Variants in IL7 observed in about 807,000 individuals in gnomAD.
IL7 encodes interleukin 7, also known as interleukin-7.
A neutral mutation model predicts 21.6 loss-of-function variants in IL7; 3 were observed. That is an observed-to-expected ratio of 0.14 (90% CI 0.06 to 0.36). The LOEUF (loss-of-function observed/expected upper bound fraction) is 0.36. Ranked by LOEUF, IL7 falls within the 10% of genes least tolerant of loss-of-function variation. The probability of loss-of-function intolerance (pLI) is 1.00; values close to 1 mark genes in which losing one functional copy is unlikely to be tolerated. For missense variants in IL7, 175 were observed against 200.2 expected (o/e 0.87, Z 0.76); for synonymous variants, 62 against 68.1 (o/e 0.91, Z 0.44).
At chr8:78,793,404 G>A (rs1034333208) in intron 2 of IL7, among the ~76,000 whole-genome samples, 4 of 152,108 alleles carry the variant, frequency 2.6e-5, no homozygotes, top group African/African-American at 9.7e-5. Context: ...TCACAATACA[G>A]TGAGTCATAC....
chr8:78,769,840 T>C (rs1489655008), intron 2 of IL7, among the ~76,000 whole-genome samples: 4 of 152,172 alleles, frequency 2.6e-5, no homozygotes, highest in African/African-American at 7.2e-5. Context: ...AACAGAGATA[T>C]AGACCAATGG....
chr8:78,804,859 T>C (rs1269134873), intron 1 of IL7, 54 bp downstream of exon 1: 4 of 1,609,302 alleles, frequency 2.5e-6, no homozygotes, highest in Non-Finnish European at 3.4e-6. Context: ...GCGTCTGGGA[T>C]TGCCCCGGCG....
intron 2 of IL7, among the ~76,000 whole-genome samples, chr8:78,772,657 A>G (rs919506498): frequency 3.3e-5 from 5 of 152,202 alleles, no homozygotes; most frequent in Non-Finnish European, 7.4e-5. Context: ...AAAAAGAGTT[A>G]AGATCCTGTG....
At chr8:78,766,203 A>G (rs900480701) in intron 2 of IL7, among the ~76,000 whole-genome samples, 1 of 152,158 alleles carries the variant, frequency 6.6e-6, no homozygotes, top group African/African-American at 2.4e-5. Context: ...AGAGGCACAA[A>G]GAATGAACAG....
chr8:78,711,434 GT>G (rs946110244), intron 3 of IL7, among the ~76,000 whole-genome samples: 5 of 148,730 alleles, frequency 3.4e-5, no homozygotes, highest in South Asian at 2.1e-4. Context: ...TGTCATCCAT[GT>G]TTTTTTTTTC....
chr8:78,713,963 G>T (rs906441567), downstream of IL7, among the ~76,000 whole-genome samples: 25 of 152,116 alleles, frequency 1.6e-4, no homozygotes, highest in African/African-American at 5.8e-4. Context: ...GTTATTACCT[G>T]CATGTACTTT....
intron 2 of IL7, among the ~76,000 whole-genome samples, chr8:78,782,908 C>G (rs1030259494): frequency 2.6e-5 from 4 of 152,120 alleles, no homozygotes; most frequent in Non-Finnish European, 5.9e-5. Context: ...AGAGGGAGGC[C>G]ACATGCAGTG....
intron 2 of IL7, chr8:78,762,391 C>A: frequency 1.9e-6 from 3 of 1,612,024 alleles, no homozygotes. Flanking sequence ...GGACTGCGTG[C>A]TCTTCCGCGT....
chr8:78,716,492 C>T (rs114626964), downstream of IL7, among the ~76,000 whole-genome samples: 926 of 152,068 alleles, frequency 6.1e-3, 8 homozygotes, highest in African/African-American at 0.021. Context: ...TTATTTATTG[C>T]ATCACAATAA....
chr8:78,753,589 A>G lies in IL7; in HGVS notation c.148-13507T>C, dbSNP rs7832283. Among the ~76,000 whole-genome samples the G allele has an allele frequency of 9.0e-3, 1,374 of 152,172 alleles. 19 individuals are homozygous for G. The highest frequency in any genetic ancestry group is 0.032 in the African/African-American group (1,318 of 41,504). ...AAGCTCTTTAGTTTAAATAGATACC[A>G]TTTGTCAATTTGGGCCTTTGTTGCC... On this transcript the variant is annotated intron_variant, in intron 2 of 5. Transcript: ENST00000263851.
At chr8:78,710,913 T>A (rs1810931235) in intron 3 of IL7, among the ~76,000 whole-genome samples, 1 of 152,038 alleles carries the variant, frequency 6.6e-6, no homozygotes. Context: ...AGACAAAAAT[T>A]AATAAAATGT....
intron 2 of IL7, chr8:78,762,102 C>A: frequency 6.3e-7 from 1 of 1,597,946 alleles, no homozygotes. Flanking sequence ...CTGATTTCAT[C>A]TTCACTCAGT....
At chr8:78,693,829 T>C (rs1481687172) in intron 3 of IL7, among the ~76,000 whole-genome samples, 1 of 152,356 alleles carries the variant, frequency 6.6e-6, no homozygotes, top group East Asian at 1.9e-4. Flanking sequence ...CTGAATGGTA[T>C]TGCCTAGGTT....
At chr8:78,792,857 A>G (rs1314614608) in intron 2 of IL7, among the ~76,000 whole-genome samples, 1 of 152,164 alleles carries the variant, frequency 6.6e-6, no homozygotes, top group African/African-American at 2.4e-5. Flanking sequence ...CTTTAGAAAC[A>G]GTTTGCAGTT....
intron 2 of IL7, among the ~76,000 whole-genome samples, chr8:78,770,023 C>A (rs1812898197): frequency 1.3e-5 from 2 of 152,190 alleles, no homozygotes; most frequent in African/African-American, 4.8e-5. Context: ...ACACCTGATA[C>A]AAAAAATAAT....
chr8:78,759,417 G>GA (rs41308477), intron 2 of IL7, among the ~76,000 whole-genome samples: 44 of 147,588 alleles, frequency 3.0e-4, no homozygotes, highest in East Asian at 1.6e-3. Context: ...AAAAAAGACA[G>GA]AAAAAAAAAA....
At chr8:78,724,848 GA>G (rs1341568609) in intron 3 of IL7, among the ~76,000 whole-genome samples, 1 of 151,824 alleles carries the variant, frequency 6.6e-6, no homozygotes. Flanking sequence ...GTCATTACCC[GA>G]AAGCTATTTT....
chr8:78,800,431 A>T (rs944630322), intron 1 of IL7, among the ~76,000 whole-genome samples: 2 of 152,188 alleles, frequency 1.3e-5, no homozygotes, highest in Middle Eastern at 3.4e-3. Flanking sequence ...CTGAGTAGCT[A>T]GGACTACAGG....
At chr8:78,755,615 C>T (rs1812320966) in intron 2 of IL7, among the ~76,000 whole-genome samples, 1 of 151,650 alleles carries the variant, frequency 6.6e-6, no homozygotes. Context: ...AGATTGCTTT[C>T]TTGATTTCTC....
Sources: gnomAD v4.1 joint callset for allele counts (sites outside exome capture counted in the v4.1 genomes callset) on GRCh38, gnomAD v4.1.1 for gene constraint, MANE v1.5 for transcripts, NCBI Gene and HGNC (gene_info 2026-07-23, HGNC 2026-07-21) for gene names.